NPAS3: variants seen among roughly 807,000 people sequenced by gnomAD.
The protein encoded by NPAS3 is neuronal PAS domain-containing protein 3.
In NPAS3, 14 loss-of-function variants were observed where a neutral mutation model predicts 73.1. The observed-to-expected ratio is 0.19, with a 90% CI of 0.13 to 0.30. The LOEUF is 0.30. Ranked by LOEUF, NPAS3 falls within the 10% of genes least tolerant of loss-of-function variation. The probability of loss-of-function intolerance (pLI) is 1.00; values close to 1 mark genes in which losing one functional copy is unlikely to be tolerated. For missense variants in NPAS3, 1,096 were observed against 1,250.0 expected, an observed-to-expected ratio of 0.88 and a Z score of 1.86; for synonymous variants, 620 against 541.5, an observed-to-expected ratio of 1.14 and a Z score of -2.01.
chr14:33,335,030 TTG>T lies in NPAS3; in HGVS notation c.386-32145_386-32144del, dbSNP rs777068522. 9.8e-3 allele frequency among the ~76,000 whole-genome samples: 1,409 copies of T among 144,164 alleles called. 14 individuals carry two copies. Among genetic ancestry groups the T allele is most frequent in the African/African-American group, 0.028 (1,068 of 37,560 alleles). The allele number at this position is 144,164 out of a possible 152,430, so 94.6% of individuals were successfully genotyped here. A position where few individuals can be genotyped will look rare whatever the true frequency, so the allele number is the denominator to read the frequency against. ...CTTGCTATGGCTTAGTGGTATTCCATTGTGTGTGTGTGCGTGTGTGTGTGTGT... is the reference window on the plus strand; with the variant it reads ...CTTGCTATGGCTTAGTGGTATTCCATTGTGTGTGTGCGTGTGTGTGTGTGT... On this transcript the variant is annotated intron_variant, in intron 3 of 11. Coordinates refer to ENST00000356141, the Ensembl canonical transcript of NPAS3.
chr14:33,661,532 G>A (rs901591516), intron 5 of NPAS3, among the ~76,000 whole-genome samples: 6 of 152,102 alleles, frequency 3.9e-5, no homozygotes, highest in African/African-American at 1.4e-4. Flanking sequence ...CACTACTACT[G>A]TACAATGAAT....
At chr14:33,156,932 CA>C (rs2044667587) in intron 2 of NPAS3, among the ~76,000 whole-genome samples, 1 of 152,048 alleles carries the variant, frequency 6.6e-6, no homozygotes, top group Non-Finnish European at 1.5e-5. Context: ...TATTAACTGC[CA>C]TTAATGCAGT....
chr14:33,384,423 A>T lies in NPAS3; in HGVS notation c.468+17155A>T, dbSNP rs562749278. Among the ~76,000 whole-genome samples, 780 of 137,594 alleles carry T rather than the reference A, an allele frequency of 5.7e-3. 7 individuals carry two copies. The highest frequency in any genetic ancestry group is 0.018 in the African/African-American group (706 of 38,282). The allele number at this position is 137,594 out of a possible 152,430, so 90.3% of individuals were successfully genotyped here. On this transcript the variant is annotated intron_variant, in intron 4 of 11. Transcript: ENST00000356141. ...TTTTTAATGTTTCTGTGTTTTTTTA[A>T]AAAAAAAAAACAAATACCATTGAAG...
intron 2 of NPAS3, among the ~76,000 whole-genome samples, chr14:33,109,547 G>T (rs137863517): frequency 2.6e-5 from 4 of 152,038 alleles, no homozygotes; most frequent in Non-Finnish European, 5.9e-5. Context: ...TACATCTTTG[G>T]TAAAATACTG....
chr14:33,250,051 C>T (rs2048526182), intron 3 of NPAS3, among the ~76,000 whole-genome samples: 1 of 152,018 alleles, frequency 6.6e-6, no homozygotes, highest in South Asian at 2.1e-4. Context: ...TTTCTGTGAA[C>T]CCAAATAATC....
intron 2 of NPAS3, among the ~76,000 whole-genome samples, chr14:33,198,834 G>A (rs549797802): frequency 2.0e-4 from 31 of 152,342 alleles, no homozygotes; most frequent in African/African-American, 7.5e-4. Flanking sequence ...AGCCCACTGT[G>A]GGGGAGCTTG....
At chr14:33,308,003 A>C (rs2042828420) in intron 3 of NPAS3, among the ~76,000 whole-genome samples, 1 of 151,996 alleles carries the variant, frequency 6.6e-6, no homozygotes, top group African/African-American at 2.4e-5. Context: ...CCGCTGCAAC[A>C]TTTCAAGCTA....
intron 4 of NPAS3, among the ~76,000 whole-genome samples, chr14:33,422,163 A>G (rs1478829568): frequency 2.6e-5 from 4 of 151,972 alleles, no homozygotes; most frequent in Admixed American, 2.0e-4. Context: ...GCTCTGTATG[A>G]CATTTCACAC....
intron 4 of NPAS3, among the ~76,000 whole-genome samples, chr14:33,469,724 C>T (rs1385392341): frequency 3.3e-5 from 5 of 152,086 alleles, no homozygotes; most frequent in Admixed American, 6.5e-5. Context: ...TGAACACTCT[C>T]TTCTTAATTT....
intron 2 of NPAS3, among the ~76,000 whole-genome samples, chr14:33,121,880 A>G (rs573283372): frequency 6.6e-6 from 1 of 152,288 alleles, no homozygotes; most frequent in African/African-American, 2.4e-5. Flanking sequence ...TGGAAATTGT[A>G]TCTCACTTAT....
chr14:33,757,698 T>C (rs1351463812), intron 7 of NPAS3, among the ~76,000 whole-genome samples: 1 of 152,006 alleles, frequency 6.6e-6, no homozygotes, highest in Non-Finnish European at 1.5e-5. Flanking sequence ...ATCTGGAAAA[T>C]GAGAGAAAGA....
At chr14:33,027,809 A>T (rs1045599165) in intron 1 of NPAS3, among the ~76,000 whole-genome samples, 1 of 152,248 alleles carries the variant, frequency 6.6e-6, no homozygotes, top group Admixed American at 6.5e-5. Flanking sequence ...GTATGTGGGG[A>T]GGCTGAACTA....
intron 3 of NPAS3, among the ~76,000 whole-genome samples, chr14:33,350,076 A>G (rs1261554804): frequency 2.0e-5 from 3 of 152,130 alleles, no homozygotes; most frequent in Non-Finnish European, 2.9e-5. Context: ...ATGCAGCTGC[A>G]TTTCTCGTAC....
rs79649176 is a variant in NPAS3 at position 33,723,520 on chromosome 14, G to A, written c.734-11694G>A. 6.6e-3 allele frequency among the ~76,000 whole-genome samples: 1,001 copies of A among 152,032 alleles called. 9 individuals are homozygous for A. The highest frequency in any genetic ancestry group is 0.022 in the African/African-American group (916 of 41,478). ...CCACTAACTTTTCTACAAGCCTCAC[G>A]TCTGCCTCTTCACCCTCACTGAGAC... On this transcript the variant is annotated intron_variant, in intron 6 of 11. Coordinates refer to ENST00000356141, the Ensembl canonical transcript of NPAS3.
rs79040313 is a variant in NPAS3, at chr14:32,980,860, A to G, written c.50+41494A>G. On this transcript the variant is annotated intron_variant, in intron 1 of 11. Transcript: ENST00000356141. ...AACTGATACTCTGTCTTGAAAGATG[A>G]TACAGGCCACTTATGTTGTATAAGG... 3.1e-3 allele frequency among the ~76,000 whole-genome samples: 476 copies of G among 152,294 alleles called. 4 individuals carry two copies. The highest frequency in any genetic ancestry group is 0.015 in the South Asian group (73 of 4,826).
chr14:33,738,225 A>G (rs968011289), intron 7 of NPAS3, among the ~76,000 whole-genome samples: 6 of 152,138 alleles, frequency 3.9e-5, no homozygotes, highest in African/African-American at 1.4e-4. Context: ...TAGGTGAAAT[A>G]CTTTGCCCAT....
chr14:33,586,982 C>G (rs905916098), intron 5 of NPAS3, among the ~76,000 whole-genome samples: 3 of 152,124 alleles, frequency 2.0e-5, no homozygotes, highest in Non-Finnish European at 2.9e-5. Context: ...CGTGATAATC[C>G]GAGGACCGGC....
chr14:33,183,966 C>T (rs758467656), intron 2 of NPAS3, among the ~76,000 whole-genome samples: 7 of 152,138 alleles, frequency 4.6e-5, no homozygotes, highest in Non-Finnish European at 1.0e-4. Flanking sequence ...CCTGAAAACT[C>T]TCATTTGTAA....
chr14:33,167,216 A>C (rs1487722414), intron 2 of NPAS3, among the ~76,000 whole-genome samples: 1 of 152,198 alleles, frequency 6.6e-6, no homozygotes, highest in East Asian at 1.9e-4. Context: ...ACTCTACCAC[A>C]CAGATTTTTA....
Sources: allele counts gnomAD v4.1 joint callset (sites outside exome capture counted in the v4.1 genomes callset), GRCh38; gene constraint gnomAD v4.1.1; transcripts MANE v1.5; gene names NCBI Gene and HGNC (gene_info 2026-07-23, HGNC 2026-07-21).